The following FOCAD variants were observed in gnomAD, a reference collection of about 807,000 sequenced individuals.
FOCAD encodes focadhesin.
FOCAD carries 198 observed loss-of-function variants against 225.6 expected under a neutral mutation model. The ratio of observed to expected loss-of-function variants is 0.88; its 90% CI spans 0.78 to 0.99. The LOEUF (loss-of-function observed/expected upper bound fraction) is 0.99, where lower values mean the gene tolerates loss of function less well. Among genes scored for constraint, FOCAD ranks in the 50% least tolerant of loss-of-function variants. FOCAD has a pLI of 0.00. For synonymous variants in FOCAD, 897 were observed against 755.0 expected (o/e 1.19, Z -3.08); for missense variants, 2,713 against 2,123.6 (o/e 1.28, Z -5.46).
At chr9:20,813,261 CG>C (rs1428089218) in intron 11 of FOCAD, among the ~76,000 whole-genome samples, 2 of 152,018 alleles carry the variant, frequency 1.3e-5, no homozygotes, top group Admixed American at 6.6e-5. Context: ...CCATTCATCC[CG>C]GGATGGACAT....
In FOCAD at chr9:20,820,331, T is replaced by C. The variant is rs990425486; in HGVS notation, c.1568T>C (p.Ile523Thr). The C allele has an allele frequency of 2.4e-5, 38 of 1,611,474 alleles. 1 individual carries two copies. Among genetic ancestry groups the C allele is most frequent in the East Asian group, 4.5e-5 (2 of 44,758 alleles). ...LPKLGVHKVCIGQILRIIQLL... is the reference protein window; with the variant it reads ...LPKLGVHKVCTGQILRIIQLL... ...TTCTTCAATATTTTCTAGGTGTGTATAGGACAAATTCTACGAATAATACAA... is the reference window on the plus strand; with the variant it reads ...TTCTTCAATATTTTCTAGGTGTGTACAGGACAAATTCTACGAATAATACAA... The change falls in exon 13 of 44, where the codon ATA (isoleucine) becomes ACA (threonine). Residue 523 changes from isoleucine to threonine, a missense_variant. Ile to Thr is a moderately conservative substitution (Grantham distance 89, BLOSUM62 -1). Coordinates refer to ENST00000338382, the MANE Select transcript of FOCAD (RefSeq NM_001375567.1).
At chr9:20,746,769 C>T (rs1031876500) in intron 5 of FOCAD, among the ~76,000 whole-genome samples, 5 of 152,122 alleles carry the variant, frequency 3.3e-5, no homozygotes, top group Non-Finnish European at 5.9e-5. Context: ...CAATAATGTC[C>T]TGCCTTTTGC....
At chr9:20,958,487 C>A (rs1838403132) in intron 35 of FOCAD, among the ~76,000 whole-genome samples, 1 of 151,958 alleles carries the variant, frequency 6.6e-6, no homozygotes, top group Non-Finnish European at 1.5e-5. Flanking sequence ...GTGATCAGAT[C>A]AGAGTAATTA....
At chr9:20,807,915 G>T (rs1171632347) in intron 11 of FOCAD, among the ~76,000 whole-genome samples, 1 of 152,088 alleles carries the variant, frequency 6.6e-6, no homozygotes, top group East Asian at 1.9e-4. Context: ...GCTAGGCATG[G>T]TGGTGCACAC....
At chr9:20,735,623 C>T (rs557893287) in intron 4 of FOCAD, among the ~76,000 whole-genome samples, 11 of 151,872 alleles carry the variant, frequency 7.2e-5, no homozygotes, top group Non-Finnish European at 1.5e-4. Flanking sequence ...TCAAGTGATC[C>T]TCCTGCCTCA....
chr9:20,839,872 G>T (rs1235354928), intron 15 of FOCAD, among the ~76,000 whole-genome samples: 6 of 151,932 alleles, frequency 3.9e-5, no homozygotes, highest in Admixed American at 3.9e-4. Flanking sequence ...TCATTTTTCT[G>T]CATATGATTA....
intron 22 of FOCAD, among the ~76,000 whole-genome samples, chr9:20,910,793 C>T (rs1315335215): frequency 4.6e-5 from 7 of 151,926 alleles, no homozygotes; most frequent in Non-Finnish European, 1.0e-4. Flanking sequence ...GAGTAAATAG[C>T]CCAACATAGA....
chr9:20,885,237 T>C lies in FOCAD; in HGVS notation c.2625+7T>C. The C allele has an allele frequency of 6.7e-7, 1 of 1,488,212 alleles. No individual in the cohort carries two copies. The highest frequency in any genetic ancestry group is 2.2e-5 in the Admixed American group (1 of 44,534). 92.2% of individuals were successfully genotyped at this position (1,488,212 alleles called of 1,614,324 possible). A position where few individuals can be genotyped will look rare whatever the true frequency, so the allele number is the denominator to read the frequency against. On this transcript the variant is annotated splice_region_variant and intron_variant, in intron 21 of 43. Coordinates refer to ENST00000338382, the MANE Select transcript of FOCAD (RefSeq NM_001375567.1). Reference sequence around the variant, plus strand: ...ACTTGCTCTTGTACATGAGGTAGGTTCCCGTGTCCTCTTCTTTATGTTTTA... The same window carrying C: ...ACTTGCTCTTGTACATGAGGTAGGTCCCCGTGTCCTCTTCTTTATGTTTTA...
chr9:20,774,057 G>C (rs1330463827), intron 8 of FOCAD, among the ~76,000 whole-genome samples: 8 of 152,174 alleles, frequency 5.3e-5, no homozygotes, highest in Admixed American at 5.2e-4. Flanking sequence ...CTGTGCATGC[G>C]AGGGATCTAG....
At chr9:20,797,524 G>T (rs1821258582) in intron 11 of FOCAD, among the ~76,000 whole-genome samples, 1 of 152,020 alleles carries the variant, frequency 6.6e-6, no homozygotes, top group Non-Finnish European at 1.5e-5. Flanking sequence ...CCTTGAAGAG[G>T]TCCTTCACAT....
At position 20,949,584 on chromosome 9, in the gene FOCAD, A is replaced by G. The variant is rs1490233190; in HGVS notation, c.3877-20A>G. 6.2e-7 allele frequency: 1 copy of G among 1,609,486 alleles called. No homozygotes were observed. The highest frequency in any genetic ancestry group is 1.7e-5 in the Admixed American group (1 of 59,912). On this transcript the variant is annotated intron_variant, in intron 32 of 43. Coordinates refer to ENST00000338382, the MANE Select transcript of FOCAD (RefSeq NM_001375567.1). Reference sequence around the variant, plus strand: ...TTTTATGGGGGTGGGTGGGATGGGTATTTCTTCTTATTCTTTCAGCTGAAA... The same window carrying G: ...TTTTATGGGGGTGGGTGGGATGGGTGTTTCTTCTTATTCTTTCAGCTGAAA...
At chr9:20,978,749 T>A (rs2132606775) in intron 37 of FOCAD, among the ~76,000 whole-genome samples, 1 of 152,366 alleles carries the variant, frequency 6.6e-6, no homozygotes, top group South Asian at 2.1e-4. Context: ...GTGGAATTAT[T>A]TGAACTTATG....
At chr9:20,730,777 G>C (rs1162277227) in intron 4 of FOCAD, among the ~76,000 whole-genome samples, 2 of 152,098 alleles carry the variant, frequency 1.3e-5, no homozygotes, top group Non-Finnish European at 2.9e-5. Flanking sequence ...GGTAGATTTA[G>C]CTATGTCATG....
At chr9:20,856,227 G>A (rs146238482) in intron 15 of FOCAD, among the ~76,000 whole-genome samples, 1 of 151,750 alleles carries the variant, frequency 6.6e-6, no homozygotes, top group Non-Finnish European at 1.5e-5. Flanking sequence ...AGTGTACGAG[G>A]GTTCCCCTTT....
Position 20,963,111 on chromosome 9 carries a change from T to A in FOCAD, c.4132+10046T>A, listed in dbSNP as rs535640478. 1.3e-3 allele frequency among the ~76,000 whole-genome samples: 200 copies of A among 152,312 alleles called. 5 individuals carry two copies. The South Asian group carries it at 0.019, about 15-fold the overall frequency. On this transcript the variant is annotated intron_variant, in intron 35 of 43. Coordinates refer to ENST00000338382, the MANE Select transcript of FOCAD (RefSeq NM_001375567.1). Reference sequence around the variant, plus strand: ...TCATTCCAGTTAGTGTCTGAATCAGTTCCCTACAAATAGTGGAAAATTTTT... The same window carrying A: ...TCATTCCAGTTAGTGTCTGAATCAGATCCCTACAAATAGTGGAAAATTTTT...
chr9:20,885,731 A>T lies in FOCAD; in HGVS notation c.2625+501A>T, dbSNP rs567291517. ...GATTCTATTAGATGATTTATATGAAATCTGATTATTGCAGATTATGGCAAA... is the reference window on the plus strand; with the variant it reads ...GATTCTATTAGATGATTTATATGAATTCTGATTATTGCAGATTATGGCAAA... On this transcript the variant is annotated intron_variant, in intron 21 of 43. Transcript: ENST00000338382. Among the ~76,000 whole-genome samples, 105 of 152,316 alleles carry T rather than the reference A, an allele frequency of 6.9e-4. 1 individual carries two copies. The highest frequency in any genetic ancestry group is 2.5e-3 in the African/African-American group (102 of 41,580).
At chr9:20,684,943 C>T (rs1013550063) in intron 1 of FOCAD, among the ~76,000 whole-genome samples, 1 of 152,322 alleles carries the variant, frequency 6.6e-6, no homozygotes, top group African/African-American at 2.4e-5. Flanking sequence ...TGGAGACGTG[C>T]AGTTATGTTG....
chr9:20,981,051 A>C (rs540474627), intron 37 of FOCAD, among the ~76,000 whole-genome samples: 1 of 152,346 alleles, frequency 6.6e-6, no homozygotes, highest in African/African-American at 2.4e-5. Flanking sequence ...TTCATCTTCC[A>C]GAGCTTTTCT....
chr9:20,939,022 C>A (rs1197665360), intron 28 of FOCAD, among the ~76,000 whole-genome samples: 5 of 150,506 alleles, frequency 3.3e-5, no homozygotes, highest in Non-Finnish European at 5.9e-5. Context: ...TGGTTGCAGG[C>A]GCCTGTAGTC....
Sources: gnomAD v4.1 joint callset for allele counts (sites outside exome capture counted in the v4.1 genomes callset) on GRCh38, gnomAD v4.1.1 for gene constraint, MANE v1.5 for transcripts, NCBI Gene and HGNC (gene_info 2026-07-23, HGNC 2026-07-21) for gene names.